Variants in TRPM2 observed in about 807,000 individuals in gnomAD.
TRPM2 encodes the protein transient receptor potential cation channel subfamily M member 2.
TRPM2 carries 161 observed loss-of-function variants against 174.0 expected under a neutral mutation model. That is an observed-to-expected ratio of 0.93 (90% confidence interval 0.81 to 1.05). The LOEUF is 1.05. TRPM2 is among the 50% of genes least tolerant of loss of function. The pLI, the probability that TRPM2 is intolerant of heterozygous loss-of-function variation, is 0.00. For missense variants in TRPM2, 2,057 were observed against 2,038.0 expected, an observed-to-expected ratio of 1.01 and a Z score of -0.18; for synonymous variants, 954 against 861.3, an observed-to-expected ratio of 1.11 and a Z score of -1.88.
At position 44,408,803 on chromosome 21, in the gene TRPM2, G is replaced by A. The variant is rs367687387; in HGVS notation, c.2962+2038G>A. 1.4e-3 allele frequency among the ~76,000 whole-genome samples: 212 copies of A among 151,772 alleles called. 2 individuals are homozygous for A. The highest frequency in any genetic ancestry group is 0.01 in the Middle Eastern group (3 of 294). On this transcript the variant is annotated intron_variant, in intron 19 of 31. Coordinates refer to ENST00000397928, the MANE Select transcript of TRPM2 (RefSeq NM_003307.4). ...CTCCCGAGTAGCTGGGACTACAGGC[G>A]CACGCCACCACGCCTGGCTAATTTT... is the stretch of plus-strand genomic sequence containing the variant.
chr21:44,376,091 G>A lies in TRPM2; in HGVS notation c.952+78G>A, dbSNP rs1278507092. On this transcript the variant is annotated intron_variant, in intron 6 of 31. Coordinates refer to ENST00000397928, the MANE Select transcript of TRPM2 (RefSeq NM_003307.4). This position sits in a 1 kb window ranked among gnomAD's most constrained non-coding sequence, Gnocchi z 4.2. ...CAGAGTGTCAGGTACAGCTGGTCACGACCAGGACGTTCAACAGGCCTGGCG... is the reference window on the plus strand; with the variant it reads ...CAGAGTGTCAGGTACAGCTGGTCACAACCAGGACGTTCAACAGGCCTGGCG... 88 of 1,521,570 alleles carry A rather than the reference G, an allele frequency of 5.8e-5. 2 individuals are homozygous for A. In the Admixed American group the frequency reaches 1.5e-3, roughly 25 times the overall value. The allele number at this position is 1,521,570 out of a possible 1,614,324, so 94.3% of individuals were successfully genotyped here.
Position 44,441,868 on chromosome 21 carries a change from C to G in TRPM2, c.*51C>G. 1 of 1,538,784 alleles carries G rather than the reference C, an allele frequency of 6.5e-7. No individual in the cohort carries two copies. Among genetic ancestry groups the G allele is most frequent in the Non-Finnish European group, 8.8e-7 (1 of 1,139,806 alleles). ...AGTCCATAGACGTTCCCCCCAGAAA[C>G]CAGGGCTTCTCTCTCCTGAGCCTGG... On this transcript the variant is annotated 3_prime_UTR_variant, in exon 32 of 32. Coordinates refer to ENST00000397928, the MANE Select transcript of TRPM2 (RefSeq NM_003307.4).
intron 9 of TRPM2, 147 bp downstream of exon 9, chr21:44,382,967 C>A (rs552652572): frequency 2.6e-6 from 2 of 770,780 alleles, no homozygotes; most frequent in African/African-American, 1.7e-5. Flanking sequence ...CAGCTGGCGA[C>A]GTGCAGGTGG....
chr21:44,429,278 CTTTTTTTTTTTTTTT>C (rs35708355), intron 27 of TRPM2, among the ~76,000 whole-genome samples: 3 of 44,194 alleles, frequency 6.8e-5, no homozygotes, highest in Non-Finnish European at 8.2e-5. Flanking sequence ...TTTTCTTTTT[CTTTTTTTTTTTTTTT>C]TTTTTTTTTT....
Position 44,354,742 on chromosome 21 carries a change from T to G in TRPM2, c.254+6T>G. 6.2e-7 allele frequency: 1 copy of G among 1,613,766 alleles called. No individual in the cohort carries two copies. Among genetic ancestry groups the G allele is most frequent in the Non-Finnish European group, 8.5e-7 (1 of 1,179,676 alleles). ...TCCAAACTGTCTGATGCTGGGTAAG[T>G]GACGTGATTTGTGTGTAAGACCTCT... On this transcript the variant is annotated splice_donor_region_variant and intron_variant, in intron 2 of 31. Transcript: ENST00000397928. This position sits in a 1 kb window ranked among gnomAD's most constrained non-coding sequence, Gnocchi z 4.3.
In TRPM2 at chr21:44,414,619, G is replaced by A. The variant is rs45591541; in HGVS notation, c.3146+545G>A. 5.0e-3 allele frequency: 759 copies of A among 153,254 alleles called. 10 individuals are homozygous for A. Among genetic ancestry groups the A allele is most frequent in the African/African-American group, 0.017 (708 of 41,584 alleles). 9.5% of individuals were successfully genotyped at this position (153,254 alleles called of 1,614,324 possible). A position where few individuals can be genotyped will look rare whatever the true frequency, so the allele number is the denominator to read the frequency against. On this transcript the variant is annotated intron_variant, in intron 20 of 31. Transcript: ENST00000397928. ...TGAGAAAAGAAAAGCTTTTATTCTA[G>A]GCCAACCCACAAGGAGACAGGGGCG...
intron 5 of TRPM2, among the ~76,000 whole-genome samples, chr21:44,373,181 C>G (rs975460193): frequency 6.6e-6 from 1 of 151,844 alleles, no homozygotes; most frequent in African/African-American, 2.4e-5. Flanking sequence ...TTGGCCCTCT[C>G]TCTTTTTTCT....
chr21:44,366,691 G>C lies in TRPM2; in HGVS notation c.424-63G>C. ...TGGGGCCTCTCTGCATGGCCTGTGT[G>C]GGTCGGTGCTGTCCCTGACCACTGA... On this transcript the variant is annotated intron_variant, in intron 3 of 31. Coordinates refer to ENST00000397928, the MANE Select transcript of TRPM2 (RefSeq NM_003307.4). This position sits in a 1 kb window ranked among gnomAD's most constrained non-coding sequence, Gnocchi z 6.0. 11 of 1,608,124 alleles carry C rather than the reference G, an allele frequency of 6.8e-6. No individual in the cohort carries two copies. The highest frequency in any genetic ancestry group is 1.7e-5 in the Admixed American group (1 of 59,922).
At chr21:44,377,582 C>T in intron 6 of TRPM2, 130 bp from the exon 7 acceptor site, 1 of 1,226,976 alleles carries the variant, frequency 8.2e-7, no homozygotes, top group Non-Finnish European at 1.2e-6. Flanking sequence ...GGGGAGAGTG[C>T]CCTCAGTGCA....
Position 44,405,840 on chromosome 21 carries a change from G to A in TRPM2, c.2658-65G>A. 4.5e-6 allele frequency: 7 copies of A among 1,563,822 alleles called. No individual in the cohort carries two copies. In the Admixed American group the frequency reaches 1.3e-4, roughly 28 times the overall value. On this transcript the variant is annotated intron_variant, in intron 17 of 31. Transcript: ENST00000397928. The stretch of plus-strand genomic sequence containing the variant: ...GCTAGGACAGGTGGAGGGGCGACGG[G>A]GGACAGCTCTGGGGGCTGCTGTGAG...
intron 2 of TRPM2, among the ~76,000 whole-genome samples, chr21:44,357,638 C>G (rs924729312): frequency 6.6e-6 from 1 of 152,218 alleles, no homozygotes; most frequent in Non-Finnish European, 1.5e-5. Flanking sequence ...GCGCTGGCCA[C>G]GTGGGCCCCT....
At chr21:44,386,819 T>C (rs1221281358) in intron 9 of TRPM2, among the ~76,000 whole-genome samples, 1 of 151,998 alleles carries the variant, frequency 6.6e-6, no homozygotes, top group African/African-American at 2.4e-5. Context: ...AGAACAAAGC[T>C]GGAAGACTCA....
chr21:44,352,435 CG>C (rs2047942542), upstream of TRPM2, among the ~76,000 whole-genome samples: 1 of 152,212 alleles, frequency 6.6e-6, no homozygotes, highest in African/African-American at 2.4e-5. Context: ...TGCGTGGCCC[CG>C]AAGAGGGGCT....
chr21:44,418,665 C>T (rs901230168), intron 22 of TRPM2, 110 bp downstream of exon 22: 1 of 1,378,438 alleles, frequency 7.3e-7, no homozygotes, highest in African/African-American at 1.4e-5. Flanking sequence ...CAATGCCTCA[C>T]CGGTGAGGGA....
chr21:44,441,837 G>T lies in TRPM2; in HGVS notation c.*20G>T. On this transcript the variant is annotated 3_prime_UTR_variant, in exon 32 of 32. Transcript: ENST00000397928. ...TACTGACTGTGCCCTCAGGCTGGGC[G>T]GCTCCAGTCCATAGACGTTCCCCCC... 1 of 1,589,088 alleles carries T rather than the reference G, an allele frequency of 6.3e-7. No individual in the cohort carries two copies.
At chr21:44,426,143 C>G (rs1217699869) in intron 25 of TRPM2, among the ~76,000 whole-genome samples, 1 of 151,142 alleles carries the variant, frequency 6.6e-6, no homozygotes, top group Non-Finnish European at 1.5e-5. Context: ...CAGGTCATGC[C>G]CTGGTCCTAG....
intron 3 of TRPM2, among the ~76,000 whole-genome samples, chr21:44,364,979 T>G (rs2048317829): frequency 6.6e-6 from 1 of 152,082 alleles, no homozygotes; most frequent in African/African-American, 2.4e-5. Flanking sequence ...TTGACCAGCC[T>G]TCTGGAGGGT....
chr21:44,425,675 C>T lies in TRPM2; in HGVS notation c.3643C>T (p.Gln1215Ter), dbSNP rs2050738940. The T allele has an allele frequency of 6.6e-7, 1 of 1,519,934 alleles. No homozygotes were observed. The highest frequency in any genetic ancestry group is 8.9e-7 in the Non-Finnish European group (1 of 1,125,454). The allele number at this position is 1,519,934 out of a possible 1,614,324, so 94.2% of individuals were successfully genotyped here. A position where few individuals can be genotyped will look rare whatever the true frequency, so the allele number is the denominator to read the frequency against. Residue 1215 changes from glutamine (Q) to a stop codon, truncating the protein, a stop_gained, in exon 25 of 32, where the codon CAG (glutamine) becomes TAG (stop). Transcript: ENST00000397928. LOFTEE classifies it high-confidence loss of function. ...GTCTTCCTGACTGTCCCCAGCCTCC[C>T]AGAAGGCCGCGGAGGAGCCGGATGC... is the stretch of plus-strand genomic sequence containing the variant. ...SEADVPTLAS[Q>*]KAAEEPDAEP...
upstream of TRPM2, among the ~76,000 whole-genome samples, chr21:44,351,951 T>A (rs2047932819): frequency 6.6e-6 from 1 of 152,016 alleles, no homozygotes; most frequent in Non-Finnish European, 1.5e-5. Flanking sequence ...AGGCAGAGAG[T>A]CCCACACCGT....
Sources: allele counts gnomAD v4.1 joint callset (sites outside exome capture counted in the v4.1 genomes callset), GRCh38; gene constraint gnomAD v4.1.1; non-coding constraint Gnocchi (gnomAD v3.1); transcripts MANE v1.5; gene names NCBI Gene and HGNC (gene_info 2026-07-23, HGNC 2026-07-21).